SNX18: variants seen among roughly 807,000 people sequenced by gnomAD.
The protein encoded by SNX18 is sorting nexin 18.
A neutral mutation model predicts 48.7 loss-of-function variants in SNX18; 35 were observed. That is an observed-to-expected ratio of 0.72 (90% CI 0.55 to 0.95). The LOEUF is 0.95. Ranked by LOEUF, SNX18 falls within the 40% of genes least tolerant of loss-of-function variation. The probability of loss-of-function intolerance (pLI) is 0.00; values close to 1 mark genes in which losing one functional copy is unlikely to be tolerated. For missense variants in SNX18, 824 were observed against 871.0 expected, an observed-to-expected ratio of 0.95 and a Z score of 0.68; for synonymous variants, 492 against 384.7, an observed-to-expected ratio of 1.28 and a Z score of -3.26.
At chr5:54,554,014 G>C in the SNX18 span, among the ~76,000 whole-genome samples, 5 of 152,222 alleles carry the variant, frequency 3.3e-5, no homozygotes, top group Admixed American at 1.3e-4. Flanking sequence ...TGGATTCGCT[G>C]TTCTGCATGG....
intron 1 of SNX18, among the ~76,000 whole-genome samples, chr5:54,533,334 AT>A (rs1355608537): frequency 1.3e-5 from 2 of 152,200 alleles, no homozygotes; most frequent in African/African-American, 4.8e-5. Context: ...TCCAGGGTTT[AT>A]TAATGTGGTC....
chr5:54,557,887 T>A, the SNX18 span, among the ~76,000 whole-genome samples: 109,222 of 151,870 alleles, frequency 0.72, 39,945 homozygotes, highest in Non-Finnish European at 0.79. Context: ...GTCTTTTTTT[T>A]AAATGTATTT....
chr5:54,598,443 A>G, the SNX18 span, among the ~76,000 whole-genome samples: 1 of 152,244 alleles, frequency 6.6e-6, no homozygotes, highest in Non-Finnish European at 1.5e-5. Flanking sequence ...AGAAAACTTC[A>G]GGCCAATATC....
At chr5:54,603,153 G>C in the SNX18 span, among the ~76,000 whole-genome samples, 20 of 147,600 alleles carry the variant, frequency 1.4e-4, no homozygotes, top group South Asian at 2.3e-3. Flanking sequence ...ATATAATGTA[G>C]GGTTGTAAAT....
the SNX18 span, among the ~76,000 whole-genome samples, chr5:54,594,901 G>A: frequency 1.2e-3 from 181 of 152,092 alleles, 3 homozygotes; most frequent in East Asian, 0.026. Flanking sequence ...GTTTAGCTCC[G>A]TCTTATAAAT....
chr5:54,643,189 A>T, the SNX18 span, among the ~76,000 whole-genome samples: 1 of 152,192 alleles, frequency 6.6e-6, no homozygotes, highest in Non-Finnish European at 1.5e-5. Context: ...CAACATGTTC[A>T]GGTAGGAGGA....
At chr5:54,602,777 T>C in the SNX18 span, among the ~76,000 whole-genome samples, 1 of 152,200 alleles carries the variant, frequency 6.6e-6, no homozygotes, top group African/African-American at 2.4e-5. Context: ...TCCGGGATCT[T>C]GCCTTACTTC....
chr5:54,599,951 A>G, the SNX18 span, among the ~76,000 whole-genome samples: 2 of 152,346 alleles, frequency 1.3e-5, no homozygotes, highest in South Asian at 4.1e-4. Context: ...TAAAATCACC[A>G]AAAGCAATTG....
Position 54,518,912 on chromosome 5 carries a change from C to G in SNX18, c.960C>G (p.Tyr320Ter), listed in dbSNP as rs1186778819. ...GCTACAAGCACTTCGACTGGCTGTACGCGCGCCTGGCGGAGAAGTTCCCGG... is the reference window on the plus strand; with the variant it reads ...GCTACAAGCACTTCGACTGGCTGTAGGCGCGCCTGGCGGAGAAGTTCCCGG... The part of the protein sequence containing the change: ...HRRYKHFDWL[Y>*]ARLAEKFPVI... The change falls in exon 1 of 2, where the codon TAC becomes TAG. Residue 320 changes from tyrosine (Y) to a stop codon, truncating the protein, a stop_gained. Transcript: ENST00000381410. LOFTEE classifies it high-confidence loss of function. 1 of 1,613,798 alleles carries G rather than the reference C, an allele frequency of 6.2e-7. No homozygotes were observed. Among genetic ancestry groups the G allele is most frequent in the Non-Finnish European group, 8.5e-7 (1 of 1,180,032 alleles).
chr5:54,551,320 T>C (rs1004227463), downstream of SNX18, among the ~76,000 whole-genome samples: 8 of 152,204 alleles, frequency 5.3e-5, no homozygotes, highest in African/African-American at 1.9e-4. Context: ...CACTGGACCA[T>C]AGTCTGTTGT....
intron 1 of SNX18, among the ~76,000 whole-genome samples, chr5:54,530,455 G>A (rs1561117537): frequency 6.6e-6 from 1 of 152,130 alleles, no homozygotes. Flanking sequence ...CTTAAGTTGA[G>A]ACTGGTATTT....
chr5:54,596,968 TAA>T, the SNX18 span, among the ~76,000 whole-genome samples: 8 of 152,082 alleles, frequency 5.3e-5, no homozygotes, highest in Non-Finnish European at 1.0e-4. Context: ...GCAAGCTGGA[TAA>T]AGAGTCAAAA....
chr5:54,562,642 C>A, the SNX18 span, among the ~76,000 whole-genome samples: 1 of 152,198 alleles, frequency 6.6e-6, no homozygotes, highest in African/African-American at 2.4e-5. Context: ...AGGGATAACA[C>A]AACTACGTAC....
chr5:54,576,255 GGAATCCAT>G, the SNX18 span, among the ~76,000 whole-genome samples: 4 of 152,072 alleles, frequency 2.6e-5, no homozygotes, highest in Non-Finnish European at 5.9e-5. Flanking sequence ...CCTGACCCAC[GGAATCCAT>G]GAGCATAATA....
the SNX18 span, among the ~76,000 whole-genome samples, chr5:54,563,898 T>C: frequency 6.6e-6 from 1 of 152,018 alleles, no homozygotes; most frequent in Admixed American, 6.6e-5. Context: ...AATTATGTAA[T>C]ATATGTATAT....
chr5:54,619,216 A>G, the SNX18 span, among the ~76,000 whole-genome samples: 1 of 152,200 alleles, frequency 6.6e-6, no homozygotes, highest in African/African-American at 2.4e-5. Flanking sequence ...TGGTGCATTA[A>G]AAAAACAACA....
Position 54,518,345 on chromosome 5 carries a change from C to A in SNX18, c.393C>A (p.Gly131=). ...PPGAGFPYGG[G]ALQPSPQQLY... Reference sequence around the variant, plus strand: ...GCGCGGGCTTCCCGTACGGCGGGGGCGCCCTGCAGCCGTCGCCTCAGCAGC... The same window carrying A: ...GCGCGGGCTTCCCGTACGGCGGGGGAGCCCTGCAGCCGTCGCCTCAGCAGC... Residue 131 remains glycine, a synonymous_variant, in exon 1 of 2, where the codon GGC becomes GGA. Transcript: ENST00000381410. 6.6e-7 allele frequency: 1 copy of A among 1,515,408 alleles called. No homozygotes were observed. Among genetic ancestry groups the A allele is most frequent in the South Asian group, 1.3e-5 (1 of 78,552 alleles). The allele number at this position is 1,515,408 out of a possible 1,614,324, so 93.9% of individuals were successfully genotyped here.
chr5:54,543,542 G>GT lies in SNX18; in HGVS notation c.*114dup. 7.5e-7 allele frequency: 1 copy of GT among 1,332,508 alleles called. No homozygotes were observed. Among genetic ancestry groups the GT allele is most frequent in the East Asian group, 2.3e-5 (1 of 43,000 alleles). The allele number at this position is 1,332,508 out of a possible 1,614,324, so 82.5% of individuals were successfully genotyped here. A position where few individuals can be genotyped will look rare whatever the true frequency, so the allele number is the denominator to read the frequency against. On this transcript the variant is annotated 3_prime_UTR_variant, in exon 2 of 2. Transcript: ENST00000381410. ...AGCTATCAGTGGTGGTACAAGGACG[G>GT]TTTTGTGTTCATCTGAAACCCAGCT... is the stretch of plus-strand genomic sequence containing the variant.
the SNX18 span, among the ~76,000 whole-genome samples, chr5:54,630,161 C>A: frequency 1.3e-5 from 2 of 152,164 alleles, no homozygotes; most frequent in African/African-American, 2.4e-5. Context: ...CAAATGTGCC[C>A]CAGCTCTGTT....
Sources: gnomAD v4.1 joint callset for allele counts (sites outside exome capture counted in the v4.1 genomes callset) on GRCh38, gnomAD v4.1.1 for gene constraint, MANE v1.5 for transcripts, NCBI Gene and HGNC (gene_info 2026-07-23, HGNC 2026-07-21) for gene names.